Variants in HS3ST2 observed in about 807,000 individuals in gnomAD.
The protein encoded by HS3ST2 is heparan sulfate-glucosamine 3-sulfotransferase 2.
A neutral mutation model predicts 26.3 loss-of-function variants in HS3ST2; 17 were observed. The ratio of observed to expected loss-of-function variants is 0.65; its 90% CI spans 0.44 to 0.97. The LOEUF is 0.97. HS3ST2 is among the 50% of genes least tolerant of loss of function. The probability of loss-of-function intolerance (pLI) is 0.00; values close to 1 mark genes in which losing one functional copy is unlikely to be tolerated. For synonymous variants in HS3ST2, 237 were observed against 219.2 expected, an observed-to-expected ratio of 1.08 and a Z score of -0.72; for missense variants, 402 against 501.2, an observed-to-expected ratio of 0.80 and a Z score of 1.89.
chr16:22,836,648 T>C (rs1185154890), intron 1 of HS3ST2, among the ~76,000 whole-genome samples: 1 of 152,170 alleles, frequency 6.6e-6, no homozygotes, highest in East Asian at 1.9e-4. Context: ...TGTGCAAGTT[T>C]AGGAATATCT....
At chr16:22,849,193 G>A (rs1170810375) in intron 1 of HS3ST2, among the ~76,000 whole-genome samples, 2 of 152,114 alleles carry the variant, frequency 1.3e-5, no homozygotes, top group African/African-American at 4.8e-5. Flanking sequence ...TGGCAGTTAT[G>A]GCTCCCTGAC....
At chr16:22,852,037 G>A (rs1356776723) in intron 1 of HS3ST2, among the ~76,000 whole-genome samples, 1 of 152,186 alleles carries the variant, frequency 6.6e-6, no homozygotes, top group Non-Finnish European at 1.5e-5. Context: ...GCTCAGCCTA[G>A]GCCAGTGGTT....
intron 1 of HS3ST2, among the ~76,000 whole-genome samples, chr16:22,864,720 T>C (rs8064157): frequency 0.32 from 48,193 of 151,648 alleles, 11,703 homozygotes; most frequent in African/African-American, 0.67. Context: ...AACAAATACA[T>C]CCAAGTGCTG....
At chr16:22,871,647 C>T (rs187461746) in intron 1 of HS3ST2, among the ~76,000 whole-genome samples, 17 of 152,264 alleles carry the variant, frequency 1.1e-4, no homozygotes, top group Admixed American at 8.5e-4. Context: ...TTCTTCTGTT[C>T]AGTCTATCTC....
chr16:22,843,810 AG>A (rs922429613), intron 1 of HS3ST2, among the ~76,000 whole-genome samples: 1 of 152,156 alleles, frequency 6.6e-6, no homozygotes, highest in Non-Finnish European at 1.5e-5. Flanking sequence ...TCCAGCATAT[AG>A]GGTGGAGACC....
At chr16:22,818,747 T>C (rs1476158120) in intron 1 of HS3ST2, among the ~76,000 whole-genome samples, 31 of 43,064 alleles carry the variant, frequency 7.2e-4, no homozygotes, top group Admixed American at 2.4e-3. Flanking sequence ...TTCCCTTCCT[T>C]CCTTCCTTCC....
intron 1 of HS3ST2, among the ~76,000 whole-genome samples, chr16:22,817,573 A>C (rs1900889559): frequency 6.6e-6 from 1 of 152,192 alleles, no homozygotes; most frequent in Non-Finnish European, 1.5e-5. Context: ...AATCTTTTAA[A>C]ACCCATGTTC....
intron 1 of HS3ST2, among the ~76,000 whole-genome samples, chr16:22,820,271 A>G (rs1900971901): frequency 6.6e-6 from 1 of 152,234 alleles, no homozygotes; most frequent in South Asian, 2.1e-4. Flanking sequence ...GCATGGAGGA[A>G]CATTCGGAAT....
At chr16:22,824,187 C>T (rs546254291) in intron 1 of HS3ST2, among the ~76,000 whole-genome samples, 2 of 152,300 alleles carry the variant, frequency 1.3e-5, no homozygotes, top group South Asian at 2.1e-4. Context: ...AGAGGACGTC[C>T]CTTTTGTAAA....
At chr16:22,865,627 G>A (rs961276447) in intron 1 of HS3ST2, among the ~76,000 whole-genome samples, 1 of 152,050 alleles carries the variant, frequency 6.6e-6, no homozygotes, top group South Asian at 2.1e-4. Context: ...CAAGGAACCA[G>A]GCTATTTATG....
chr16:22,831,277 C>T (rs1323505853), intron 1 of HS3ST2, among the ~76,000 whole-genome samples: 7 of 152,188 alleles, frequency 4.6e-5, no homozygotes, highest in Admixed American at 6.5e-5. Context: ...GAAATGCCCA[C>T]TAAGATTCTC....
At chr16:22,836,107 C>T (rs533012963) in intron 1 of HS3ST2, among the ~76,000 whole-genome samples, 1 of 151,434 alleles carries the variant, frequency 6.6e-6, no homozygotes, top group African/African-American at 2.4e-5. Context: ...GAGGATATAA[C>T]CATAATCTGT....
chr16:22,833,755 T>C (rs1004547558), intron 1 of HS3ST2, among the ~76,000 whole-genome samples: 1 of 152,168 alleles, frequency 6.6e-6, no homozygotes, highest in Non-Finnish European at 1.5e-5. Flanking sequence ...ACTATCATCA[T>C]TGTCTCCAAC....
At position 22,915,403 on chromosome 16, in the gene HS3ST2, A is replaced by C; in HGVS notation, c.945A>C (p.Lys315Asn). 6.2e-7 allele frequency: 1 copy of C among 1,614,216 alleles called. No homozygotes were observed. The highest frequency in any genetic ancestry group is 8.5e-7 in the Non-Finnish European group (1 of 1,180,038). ...AGACCAAAGGATTCCCTTGCTTGAAAAAAACAGAATCGAGCCTCCTGCCTC... is the reference window on the plus strand; with the variant it reads ...AGACCAAAGGATTCCCTTGCTTGAACAAAACAGAATCGAGCCTCCTGCCTC... Reference protein sequence around the residue: ...FNKTKGFPCLKKTESSLLPRC... With the variant: ...FNKTKGFPCLNKTESSLLPRC... The change falls in exon 2 of 2, where the codon AAA (lysine) becomes AAC (asparagine). Residue 315 changes from lysine to asparagine, a missense_variant. By Grantham distance (94) the Lys-to-Asn change is moderately conservative. Around this residue, in one of 2 missense-constraint regions of HS3ST2, gnomAD observed 237 missense variants for 346.6 expected, o/e 0.68. Transcript: ENST00000261374.
At chr16:22,870,470 G>A (rs527605238) in intron 1 of HS3ST2, among the ~76,000 whole-genome samples, 14 of 152,224 alleles carry the variant, frequency 9.2e-5, no homozygotes, top group Middle Eastern at 3.4e-3. Flanking sequence ...GTCGAATCAC[G>A]TCGCTCCTCT....
chr16:22,887,726 C>T (rs1405976790), intron 1 of HS3ST2, among the ~76,000 whole-genome samples: 4 of 151,302 alleles, frequency 2.6e-5, no homozygotes, highest in South Asian at 2.1e-4. Flanking sequence ...GTGGGAGGAT[C>T]GCTTGAGGCC....
At chr16:22,896,004 G>A (rs1902204780) in intron 1 of HS3ST2, among the ~76,000 whole-genome samples, 1 of 151,358 alleles carries the variant, frequency 6.6e-6, no homozygotes, top group African/African-American at 2.4e-5. Context: ...GAGAGAAAGG[G>A]TCTTACTATG....
chr16:22,886,810 G>A (rs193008705), intron 1 of HS3ST2, among the ~76,000 whole-genome samples: 23 of 151,916 alleles, frequency 1.5e-4, no homozygotes, highest in Admixed American at 3.3e-4. Flanking sequence ...CACCCAGGGT[G>A]AGAGCAGTGG....
At chr16:22,821,145 A>G (rs181951456) in intron 1 of HS3ST2, among the ~76,000 whole-genome samples, 39 of 152,078 alleles carry the variant, frequency 2.6e-4, no homozygotes, top group Admixed American at 2.4e-3. Context: ...GAAAGCAACT[A>G]TCCTGAAATT....
Sources: allele counts gnomAD v4.1 joint callset (sites outside exome capture counted in the v4.1 genomes callset), GRCh38; gene constraint gnomAD v4.1.1; regional missense constraint gnomAD v4.1.1; transcripts MANE v1.5; gene names NCBI Gene and HGNC (gene_info 2026-07-23, HGNC 2026-07-21).